The following SCEL variants were observed in gnomAD, a reference collection of about 807,000 sequenced individuals.
SCEL encodes the protein sciellin.
Under a neutral mutation model 117.6 loss-of-function variants are expected in SCEL, and 113 were observed. The observed-to-expected ratio is 0.96, with a 90% CI of 0.83 to 1.12. SCEL has a LOEUF of 1.12. Ranked by LOEUF, SCEL falls within the 50% of genes most tolerant of loss-of-function variation. The probability of loss-of-function intolerance (pLI) is 0.00; values close to 1 mark genes in which losing one functional copy is unlikely to be tolerated. For synonymous variants in SCEL, 270 were observed against 256.2 expected, an observed-to-expected ratio of 1.05 and a Z score of -0.51; for missense variants, 785 against 810.8, an observed-to-expected ratio of 0.97 and a Z score of 0.39.
intron 29 of SCEL, among the ~76,000 whole-genome samples, 161 bp from the exon 30 acceptor site, chr13:77,636,959 A>G (rs568746888): frequency 1.0e-3 from 155 of 152,110 alleles, no homozygotes; most frequent in Non-Finnish European, 1.7e-3. Flanking sequence ...TTGTGTATCA[A>G]TATTTCTACA....
intron 3 of SCEL, among the ~76,000 whole-genome samples, chr13:77,557,227 A>C (rs1213082845): frequency 3.9e-5 from 6 of 152,362 alleles, no homozygotes; most frequent in African/African-American, 1.4e-4. Flanking sequence ...CTTTGTAAGT[A>C]CTTACAACCA....
chr13:77,591,567 G>T, intron 11 of SCEL, 107 bp downstream of exon 11: 1 of 658,944 alleles, frequency 1.5e-6, no homozygotes, highest in Non-Finnish European at 2.6e-6. Flanking sequence ...GACAAAATCA[G>T]TTTTCCAACT....
intron 30 of SCEL, 93 bp downstream of exon 30, chr13:77,637,287 CACATATATATAAATATATAT>C (rs66999671): frequency 0.045 from 9,505 of 212,324 alleles, 998 homozygotes; most frequent in Middle Eastern, 0.077. Flanking sequence ...CAGGCACACA[CACATATATATAAATATATAT>C]ACATATATAT....
intron 9 of SCEL, among the ~76,000 whole-genome samples, chr13:77,587,426 G>C (rs551333301): frequency 2.0e-5 from 3 of 152,114 alleles, no homozygotes; most frequent in African/African-American, 7.2e-5. Flanking sequence ...CGATCCATCA[G>C]CCTCGAAGTA....
rs76327395 is a variant in SCEL, at chr13:77,599,770, C to A, written c.917+22C>A. 8,318 of 1,544,588 alleles carry A rather than the reference C, an allele frequency of 5.4e-3. 335 individuals carry two copies. The African/African-American group carries it at 0.098, about 18-fold the overall frequency. On this transcript the variant is annotated intron_variant, in intron 15 of 32. Transcript: ENST00000349847. ...AAGGGTAAGATTTTATTAAGACAGA[C>A]CATTTTGATTGAGTCCCAGATGGTG...
intron 1 of SCEL, among the ~76,000 whole-genome samples, chr13:77,554,210 G>T (rs1255920760): frequency 6.6e-6 from 1 of 152,170 alleles, no homozygotes; most frequent in Non-Finnish European, 1.5e-5. Context: ...CGAGTCACTG[G>T]ATAGAAGTGA....
chr13:77,559,807 T>C lies in SCEL; in HGVS notation c.165T>C (p.Asp55=), dbSNP rs766596786. 3 of 1,613,634 alleles carry C rather than the reference T, an allele frequency of 1.9e-6. No homozygotes were observed. Among genetic ancestry groups the C allele is most frequent in the Non-Finnish European group, 2.5e-6 (3 of 1,179,678 alleles). Reference sequence around the variant, plus strand: ...TACTTTTGTTCTTTCTTTGCAGAGATGAAAATTACGGTAGGGTGGTGCTCA... The same window carrying C: ...TACTTTTGTTCTTTCTTTGCAGAGACGAAAATTACGGTAGGGTGGTGCTCA... The part of the protein sequence containing the change: ...WIKKRPEEEK[D]ENYGRVVLNR... Residue 55 remains aspartate (D), a synonymous_variant, in exon 4 of 33, where the codon GAT becomes GAC. Coordinates refer to ENST00000349847, the MANE Select transcript of SCEL (RefSeq NM_144777.3).
At chr13:77,570,628 G>A (rs1438602421) in intron 8 of SCEL, among the ~76,000 whole-genome samples, 1 of 152,090 alleles carries the variant, frequency 6.6e-6, no homozygotes, top group Non-Finnish European at 1.5e-5. Flanking sequence ...CAGCTTTCCT[G>A]TCTGCCTTTT....
intron 1 of SCEL, among the ~76,000 whole-genome samples, chr13:77,541,126 A>G (rs570746019): frequency 7.9e-5 from 12 of 152,350 alleles, no homozygotes; most frequent in African/African-American, 2.9e-4. Context: ...TACAAAATTT[A>G]TAATTAGAAG....
intron 1 of SCEL, among the ~76,000 whole-genome samples, chr13:77,538,277 C>T (rs113117024): frequency 0.017 from 2,642 of 151,970 alleles, 33 homozygotes; most frequent in Middle Eastern, 0.044. Context: ...CCACCACACC[C>T]GACTAATTTT....
At chr13:77,607,817 C>T (rs1414732227) in intron 19 of SCEL, among the ~76,000 whole-genome samples, 1 of 152,166 alleles carries the variant, frequency 6.6e-6, no homozygotes, top group Admixed American at 6.5e-5. Context: ...TGCTAGCGGC[C>T]AAATGGCTCT....
At chr13:77,633,841 G>C (rs987549424) in intron 28 of SCEL, among the ~76,000 whole-genome samples, 2 of 152,246 alleles carry the variant, frequency 1.3e-5, no homozygotes, top group Non-Finnish European at 2.9e-5. Context: ...TATTGAGTTA[G>C]TGAATGTGTC....
intron 12 of SCEL, among the ~76,000 whole-genome samples, chr13:77,593,895 C>G (rs540630410): frequency 2.0e-5 from 3 of 152,154 alleles, no homozygotes; most frequent in African/African-American, 4.8e-5. Context: ...CCTAGCACCA[C>G]CCCTCAGGAT....
intron 1 of SCEL, among the ~76,000 whole-genome samples, chr13:77,553,042 AC>A (rs923745345): frequency 1.3e-5 from 2 of 152,202 alleles, no homozygotes; most frequent in Non-Finnish European, 2.9e-5. Context: ...CAAGAACAGA[AC>A]AAGAGCCTCG....
At chr13:77,637,098 T>C (rs757268133) in intron 29 of SCEL, 22 bp from the exon 30 acceptor site, 5 of 1,269,056 alleles carry the variant, frequency 3.9e-6, no homozygotes, top group Non-Finnish European at 4.5e-6. Flanking sequence ...GATTCTCACA[T>C]GTCCATATAT....
chr13:77,578,206 C>T (rs758415889), intron 9 of SCEL, among the ~76,000 whole-genome samples: 26 of 152,062 alleles, frequency 1.7e-4, no homozygotes, highest in Admixed American at 3.9e-4. Flanking sequence ...AAGATATGAC[C>T]ATGAGGTAGC....
chr13:77,570,111 C>T lies in SCEL; in HGVS notation c.479+660C>T, dbSNP rs181541199. Reference sequence around the variant, plus strand: ...AAACAAGCATTTACAAACATCAGTGCTTTTAAATTTTCTCAATTTCCCTGT... The same window carrying T: ...AAACAAGCATTTACAAACATCAGTGTTTTTAAATTTTCTCAATTTCCCTGT... On this transcript the variant is annotated intron_variant, in intron 8 of 32. Transcript: ENST00000349847. 1.1e-3 allele frequency among the ~76,000 whole-genome samples: 162 copies of T among 152,304 alleles called. 3 individuals are homozygous for T. The highest frequency in any genetic ancestry group is 3.4e-3 in the Middle Eastern group (1 of 294).
intron 9 of SCEL, among the ~76,000 whole-genome samples, chr13:77,572,444 G>A (rs2085693901): frequency 6.6e-6 from 1 of 152,196 alleles, no homozygotes; most frequent in Admixed American, 6.5e-5. Flanking sequence ...AAATAAATGA[G>A]TGCCACAAAC....
chr13:77,578,571 T>C lies in SCEL; in HGVS notation c.545+6382T>C, dbSNP rs545871838. Among the ~76,000 whole-genome samples, 6 of 152,198 alleles carry C rather than the reference T, an allele frequency of 3.9e-5. No homozygotes were observed. The South Asian group carries it at 1.0e-3, about 26-fold the overall frequency. ...CAGTATTCTCTGGGAGATCTGATGT[T>C]GTAGGAAGAGCTTCTAGCAGGGAAC... On this transcript the variant is annotated intron_variant, in intron 9 of 32. Coordinates refer to ENST00000349847, the MANE Select transcript of SCEL (RefSeq NM_144777.3).
Sources: gnomAD v4.1 joint callset for allele counts (sites outside exome capture counted in the v4.1 genomes callset) on GRCh38, gnomAD v4.1.1 for gene constraint, MANE v1.5 for transcripts, NCBI Gene and HGNC (gene_info 2026-07-23, HGNC 2026-07-21) for gene names.